Variants in PSKH2 observed in about 807,000 individuals in gnomAD.
PSKH2 encodes protein serine kinase H2.
In PSKH2, 16 loss-of-function variants were observed where a neutral mutation model predicts 22.5. The ratio of observed to expected loss-of-function variants is 0.71; its 90% CI spans 0.48 to 1.08. The LOEUF (loss-of-function observed/expected upper bound fraction) is 1.08. PSKH2 is among the 50% of genes least tolerant of loss of function. The pLI is 0.00. For synonymous variants in PSKH2, 188 were observed against 184.8 expected, an observed-to-expected ratio of 1.02 and a Z score of -0.14; for missense variants, 516 against 492.8, an observed-to-expected ratio of 1.05 and a Z score of -0.44.
intron 1 of PSKH2, 108 bp downstream of exon 1, chr8:86,069,330 A>C: frequency 9.8e-7 from 1 of 1,023,304 alleles, no homozygotes; most frequent in Non-Finnish European, 1.4e-6. Flanking sequence ...CATCCGAAAG[A>C]ACCCTGTCCA....
chr8:86,067,039 C>T (rs1031971810), intron 1 of PSKH2, among the ~76,000 whole-genome samples: 2 of 152,170 alleles, frequency 1.3e-5, no homozygotes, highest in Non-Finnish European at 2.9e-5. Context: ...TGCCATCAAA[C>T]TCATTTGTTC....
chr8:86,054,597 T>C (rs1817676027), intron 2 of PSKH2, among the ~76,000 whole-genome samples: 1 of 152,216 alleles, frequency 6.6e-6, no homozygotes, highest in Admixed American at 6.5e-5. Flanking sequence ...AAGCAGATTT[T>C]AAATGCTTTA....
intron 2 of PSKH2, among the ~76,000 whole-genome samples, chr8:86,060,388 T>A (rs1178212330): frequency 6.6e-6 from 1 of 152,220 alleles, no homozygotes. Context: ...CCCTTTACTC[T>A]ACAGTGGTCA....
At chr8:86,051,141 C>T (rs1220444210) in intron 2 of PSKH2, among the ~76,000 whole-genome samples, 1 of 151,874 alleles carries the variant, frequency 6.6e-6, no homozygotes, top group Non-Finnish European at 1.5e-5. Flanking sequence ...TCGTGGCTCA[C>T]TGCAACCTCC....
At position 86,053,424 on chromosome 8, in the gene PSKH2, C is replaced by G. The variant is rs983087333; in HGVS notation, c.853-4657G>C. ...AATTAAATGTTCTGTTCAGGCTTCT[C>G]TTTATCTAGCGGTCACACATCACTT... On this transcript the variant is annotated intron_variant, in intron 2 of 2. Coordinates refer to ENST00000276616, the MANE Select transcript of PSKH2 (RefSeq NM_033126.3). 2.6e-5 allele frequency among the ~76,000 whole-genome samples: 4 copies of G among 152,186 alleles called. No homozygotes were observed. In the East Asian group the frequency reaches 5.8e-4, roughly 22 times the overall value.
intron 2 of PSKH2, among the ~76,000 whole-genome samples, chr8:86,057,115 G>A (rs1006465305): frequency 6.6e-6 from 1 of 151,776 alleles, no homozygotes; most frequent in South Asian, 2.1e-4. Context: ...GTAGAGATGG[G>A]GTCTTGTTAT....
Position 86,048,611 on chromosome 8 carries a change from A to G in PSKH2, c.1009T>C (p.Ser337Pro), listed in dbSNP as rs1352364676. ...GAGGCCCTCTGCATGAGGTTTCGGGATATGGCCCTCTGGAGATTCTTCATG... is the reference window on the plus strand; with the variant it reads ...GAGGCCCTCTGCATGAGGTTTCGGGGTATGGCCCTCTGGAGATTCTTCATG... ...SSMKNLQRAI[S>P]RNLMQRASPH... Residue 337 changes from serine to proline, a missense_variant, in exon 3 of 3, where the codon TCC (serine) becomes CCC (proline). Coordinates refer to ENST00000276616, the MANE Select transcript of PSKH2 (RefSeq NM_033126.3). 3 of 1,614,066 alleles carry G rather than the reference A, an allele frequency of 1.9e-6. No individual in the cohort carries two copies. The South Asian group carries it at 3.3e-5, about 18-fold the overall frequency.
At chr8:86,067,990 C>T (rs1438741295) in intron 1 of PSKH2, among the ~76,000 whole-genome samples, 1 of 152,126 alleles carries the variant, frequency 6.6e-6, no homozygotes, top group African/African-American at 2.4e-5. Flanking sequence ...TGGGTCTACC[C>T]CTGGATTGGG....
intron 2 of PSKH2, among the ~76,000 whole-genome samples, chr8:86,056,373 T>G (rs559071945): frequency 3.9e-5 from 6 of 152,278 alleles, no homozygotes; most frequent in African/African-American, 1.4e-4. Context: ...TCTCCTTTTT[T>G]TAAAATCAAT....
chr8:86,053,082 T>C (rs1266296462), intron 2 of PSKH2, among the ~76,000 whole-genome samples: 1 of 152,194 alleles, frequency 6.6e-6, no homozygotes, highest in East Asian at 1.9e-4. Flanking sequence ...AAGTCAGAAA[T>C]GATTGTAGTT....
At chr8:86,058,563 T>C (rs1817736087) in intron 2 of PSKH2, among the ~76,000 whole-genome samples, 1 of 152,250 alleles carries the variant, frequency 6.6e-6, no homozygotes, top group South Asian at 2.1e-4. Context: ...TCTTACTGAA[T>C]GCAGAGAGAA....
At position 86,064,519 on chromosome 8, in the gene PSKH2, C is replaced by T; in HGVS notation, c.298G>A (p.Glu100Lys). 3 of 1,614,022 alleles carry T rather than the reference C, an allele frequency of 1.9e-6. No homozygotes were observed. Among genetic ancestry groups the T allele is most frequent in the Non-Finnish European group, 2.5e-6 (3 of 1,180,014 alleles). ...AIKVMETRER[E>K]GREACVSELS... ...TCAGACACGCACGCTTCTCTACCTT[C>T]CCTCTCTCTGGTTTCCATCACTTTT... is the stretch of plus-strand genomic sequence containing the variant. The change falls in exon 2 of 3, where the codon GAA becomes AAA. Residue 100 changes from glutamate (E) to lysine (K), a missense_variant. Physicochemically the swap from Glu to Lys is moderately conservative, Grantham distance 56. Coordinates refer to ENST00000276616, the MANE Select transcript of PSKH2 (RefSeq NM_033126.3).
At chr8:86,057,574 A>G (rs1817718885) in intron 2 of PSKH2, among the ~76,000 whole-genome samples, 1 of 151,934 alleles carries the variant, frequency 6.6e-6, no homozygotes, top group African/African-American at 2.4e-5. Flanking sequence ...TTTAGTAGAG[A>G]TGGGGTTTCA....
intron 1 of PSKH2, 86 bp downstream of exon 1, chr8:86,069,352 A>C: frequency 7.7e-7 from 1 of 1,301,342 alleles, no homozygotes; most frequent in Non-Finnish European, 1.0e-6. Context: ...AATTGAGTCA[A>C]GCTGAAGGGA....
chr8:86,066,115 C>A (rs948945233), intron 1 of PSKH2, among the ~76,000 whole-genome samples: 6 of 151,634 alleles, frequency 4.0e-5, no homozygotes, highest in Middle Eastern at 3.5e-3. Flanking sequence ...AACCCAACTT[C>A]TTGTTTTACT....
In PSKH2 at chr8:86,058,526, A is replaced by G. The variant is rs539029472; in HGVS notation, c.852+5439T>C. On this transcript the variant is annotated intron_variant, in intron 2 of 2. Coordinates refer to ENST00000276616, the MANE Select transcript of PSKH2 (RefSeq NM_033126.3). Reference sequence around the variant, plus strand: ...AAGCAATTTATTTGTAATTGAATGCATTCTCCATGCTTATTCCTTTTAGAT... The same window carrying G: ...AAGCAATTTATTTGTAATTGAATGCGTTCTCCATGCTTATTCCTTTTAGAT... 2.0e-5 allele frequency among the ~76,000 whole-genome samples: 3 copies of G among 152,366 alleles called. No homozygotes were observed. The East Asian group carries it at 5.8e-4, about 29-fold the overall frequency.
chr8:86,064,657 T>C (rs775374150), intron 1 of PSKH2, 26 bp from the exon 2 acceptor site: 3 of 1,575,780 alleles, frequency 1.9e-6, no homozygotes. Flanking sequence ...ACCAAACATG[T>C]TATCCCCAGA....
At chr8:86,063,910 G>A in intron 2 of PSKH2, 55 bp downstream of exon 2, 2 of 1,399,394 alleles carry the variant, frequency 1.4e-6, no homozygotes, top group African/African-American at 1.4e-5. Context: ...AAGTGACAAG[G>A]TGGAGAAGCC....
chr8:86,064,620 T>A lies in PSKH2; in HGVS notation c.197A>T (p.Lys66Ile). ...GAAACTGCCTGTCCCAATAAGAGCT[T>A]TGATGTCATATCTGTTGGGAAGAAA... ...DPRVLARYDI[K>I]ALIGTGSFSR... Residue 66 changes from lysine (K) to isoleucine (I), a missense_variant, in exon 2 of 3, where the codon AAA becomes ATA. Coordinates refer to ENST00000276616, the MANE Select transcript of PSKH2 (RefSeq NM_033126.3). 1 of 1,611,544 alleles carries A rather than the reference T, an allele frequency of 6.2e-7. No individual in the cohort carries two copies. The highest frequency in any genetic ancestry group is 8.5e-7 in the Non-Finnish European group (1 of 1,179,066).
Sources: allele counts gnomAD v4.1 joint callset (sites outside exome capture counted in the v4.1 genomes callset), GRCh38; gene constraint gnomAD v4.1.1; transcripts MANE v1.5; gene names NCBI Gene and HGNC (gene_info 2026-07-23, HGNC 2026-07-21).